The following SPTBN4 variants were observed in gnomAD, a reference collection of about 807,000 sequenced individuals.
SPTBN4 encodes the protein spectrin beta, non-erythrocytic 4.
In SPTBN4, 96 loss-of-function variants were observed where a neutral mutation model predicts 277.8. That is an observed-to-expected ratio of 0.35 (90% confidence interval 0.29 to 0.41). The LOEUF (loss-of-function observed/expected upper bound fraction) is 0.41, where lower values mean the gene tolerates loss of function less well. Ranked by LOEUF, SPTBN4 falls within the 10% of genes least tolerant of loss-of-function variation. The pLI is 1.00. For synonymous variants in SPTBN4, 1,481 were observed against 1,580.3 expected (o/e 0.94, Z 1.49); for missense variants, 3,006 against 3,595.7 (o/e 0.84, Z 4.19).
intron 16 of SPTBN4, among the ~76,000 whole-genome samples, chr19:40,520,811 G>A (rs536962406): frequency 5.0e-4 from 76 of 152,296 alleles, no homozygotes; most frequent in African/African-American, 1.7e-3. Context: ...AGATGGAACA[G>A]CCAGTTTTCA....
rs371057957 is a variant in SPTBN4 at position 40,540,404 on chromosome 19, T to G, written c.4359+6061T>G. ...CCCCTCTCCATGCTGCTTTTTAATT[T>G]TAATTTATTTTTATTTTTTGATAGA... is the stretch of plus-strand genomic sequence containing the variant. On this transcript the variant is annotated intron_variant, in intron 20 of 35. Transcript: ENST00000598249. Among the ~76,000 whole-genome samples, 280 of 152,058 alleles carry G rather than the reference T, an allele frequency of 1.8e-3. 3 individuals carry two copies. Among genetic ancestry groups the G allele is most frequent in the African/African-American group, 6.6e-3 (273 of 41,506 alleles).
At position 40,549,388 on chromosome 19, in the gene SPTBN4, T is replaced by C. The variant is rs553578143; in HGVS notation, c.4559T>C (p.Val1520Ala). The change falls in exon 21 of 36, where the codon GTG becomes GCG. Residue 1520 changes from valine to alanine, a missense_variant. Coordinates refer to ENST00000598249, the MANE Select transcript of SPTBN4 (RefSeq NM_020971.3). ...CTGGCTTCCAAGGAGTTGCACCAGG[T>C]GGCGCACGACCTGGACGACGAGCTG... ...LLLASKELHQ[V>A]AHDLDDELAW... The C allele has an allele frequency of 2.4e-6, 3 of 1,246,066 alleles. No homozygotes were observed. The South Asian group carries it at 3.8e-5, about 16-fold the overall frequency. The allele number at this position is 1,246,066 out of a possible 1,614,324, so 77.2% of individuals were successfully genotyped here.
At chr19:40,482,207 G>A (rs886238873) in intron 2 of SPTBN4, among the ~76,000 whole-genome samples, 2 of 152,234 alleles carry the variant, frequency 1.3e-5, no homozygotes, top group East Asian at 1.9e-4. Flanking sequence ...AAAGTGCTCT[G>A]ATTACAGGCG....
intron 6 of SPTBN4, 102 bp from the exon 7 acceptor site, chr19:40,497,387 C>A: frequency 1.2e-6 from 1 of 817,758 alleles, no homozygotes; most frequent in South Asian, 1.5e-5. Context: ...TGCCCTTCTG[C>A]CCATTGCCCT....
intron 20 of SPTBN4, among the ~76,000 whole-genome samples, chr19:40,542,036 C>T (rs2080807680): frequency 6.6e-6 from 1 of 152,230 alleles, no homozygotes; most frequent in Non-Finnish European, 1.5e-5. Flanking sequence ...ATTCTCCTGC[C>T]TCAGCCTCCC....
intron 2 of SPTBN4, among the ~76,000 whole-genome samples, chr19:40,479,404 C>A (rs1313352699): frequency 6.6e-6 from 1 of 152,114 alleles, no homozygotes; most frequent in African/African-American, 2.4e-5. Context: ...ACGCCTCTCT[C>A]CAATTCTCTT....
rs908486362 is a variant in SPTBN4 at position 40,513,028 on chromosome 19, C to A, written c.2239C>A (p.Arg747Ser). 1.4e-6 allele frequency: 2 copies of A among 1,422,634 alleles called. No homozygotes were observed. Among genetic ancestry groups the A allele is most frequent in the African/African-American group, 3.0e-5 (2 of 66,006 alleles). The allele number at this position is 1,422,634 out of a possible 1,614,324, so 88.1% of individuals were successfully genotyped here. ...DTVHLVGLAE[R>S]AASARRRWQR... ...CGTGCACCTGGTAGGCCTGGCGGAGCGCGCGGCGAGCGCCCGGCGCCGCTG... is the reference window on the plus strand; with the variant it reads ...CGTGCACCTGGTAGGCCTGGCGGAGAGCGCGGCGAGCGCCCGGCGCCGCTG... The change falls in exon 14 of 36, where the codon CGC becomes AGC. Residue 747 changes from arginine (R) to serine (S), a missense_variant. Arg to Ser is a moderately radical substitution (Grantham distance 110). Transcript: ENST00000598249.
At chr19:40,481,710 A>C (rs1464543570) in intron 2 of SPTBN4, among the ~76,000 whole-genome samples, 1 of 152,076 alleles carries the variant, frequency 6.6e-6, no homozygotes, top group African/African-American at 2.4e-5. Context: ...TCCTGACCTC[A>C]GGTGATCTGC....
rs764608161 is a variant in SPTBN4 at position 40,554,182 on chromosome 19, C to G, written c.4710C>G (p.Arg1570=). ...GGGAGATCCAGGCGCATGGGCCGCG[C>G]CTGGAGGAGGTGCTGGAGCGCGCGG... The part of the protein sequence containing the change: ...LRREIQAHGP[R]LEEVLERAGA... Residue 1570 remains arginine, a synonymous_variant, in exon 23 of 36, where the codon CGC becomes CGG. Transcript: ENST00000598249. The surrounding 1 kb of genome is among the most constrained non-coding windows in gnomAD (Gnocchi z 5.7). 2.1e-6 allele frequency: 3 copies of G among 1,458,716 alleles called. No homozygotes were observed. The South Asian group carries it at 4.2e-5, about 20-fold the overall frequency. The allele number at this position is 1,458,716 out of a possible 1,614,324, so 90.4% of individuals were successfully genotyped here.
rs574031306 is a variant in SPTBN4, at chr19:40,485,914, G to C, written c.170-1783G>C. On this transcript the variant is annotated intron_variant, in intron 2 of 35. Coordinates refer to ENST00000598249, the MANE Select transcript of SPTBN4 (RefSeq NM_020971.3). The stretch of plus-strand genomic sequence containing the variant: ...CATGAAAAGATGCTCAACATCATTA[G>C]CCATTAGGGAAGTGCAAAAGAAAAC... 4.0e-5 allele frequency among the ~76,000 whole-genome samples: 6 copies of C among 151,634 alleles called. No homozygotes were observed. In the East Asian group the frequency reaches 7.7e-4, roughly 20 times the overall value.
At position 40,523,460 on chromosome 19, in the gene SPTBN4, G is replaced by A. The variant is rs2080552392; in HGVS notation, c.3678G>A (p.Glu1226=). The part of the protein sequence containing the change: ...RNQEMALSGA[E]LPGTVESVEE... ...AGGAGATGGCGCTGTCTGGTGCGGAGCTCCCGGGCACAGTGGAATCGGTGG... is the reference window on the plus strand; with the variant it reads ...AGGAGATGGCGCTGTCTGGTGCGGAACTCCCGGGCACAGTGGAATCGGTGG... The change falls in exon 17 of 36, where the codon GAG becomes GAA. Residue 1226 remains glutamate, a synonymous_variant. Transcript: ENST00000598249. 1.2e-6 allele frequency: 2 copies of A among 1,610,052 alleles called. No homozygotes were observed. Among genetic ancestry groups the A allele is most frequent in the Non-Finnish European group, 1.7e-6 (2 of 1,178,170 alleles).
intron 16 of SPTBN4, among the ~76,000 whole-genome samples, chr19:40,520,994 A>T (rs2080520503): frequency 6.6e-6 from 1 of 151,416 alleles, no homozygotes; most frequent in Non-Finnish European, 1.5e-5. Flanking sequence ...GCGTGATCTC[A>T]GCTCACTGAA....
intron 17 of SPTBN4, among the ~76,000 whole-genome samples, chr19:40,526,160 T>C (rs2080588691): frequency 7.0e-6 from 1 of 143,770 alleles, no homozygotes; most frequent in South Asian, 2.2e-4. Flanking sequence ...GTGTGTGAGG[T>C]GCTGTTCTTT....
rs191419122 is a variant in SPTBN4 at position 40,539,669 on chromosome 19, G to A, written c.4359+5326G>A. Among the ~76,000 whole-genome samples, 447 of 151,510 alleles carry A rather than the reference G, an allele frequency of 3.0e-3. 4 individuals carry two copies. The highest frequency in any genetic ancestry group is 0.011 in the African/African-American group (434 of 41,274). Reference sequence around the variant, plus strand: ...TAATTTTTGTATTTTTAGTAGAGACGGGGTTTCACCATGTTGGCCAGGCTG... The same window carrying A: ...TAATTTTTGTATTTTTAGTAGAGACAGGGTTTCACCATGTTGGCCAGGCTG... On this transcript the variant is annotated intron_variant, in intron 20 of 35. Coordinates refer to ENST00000598249, the MANE Select transcript of SPTBN4 (RefSeq NM_020971.3).
chr19:40,533,789 C>G (rs2080704506), intron 19 of SPTBN4, among the ~76,000 whole-genome samples: 1 of 152,072 alleles, frequency 6.6e-6, no homozygotes, highest in Non-Finnish European at 1.5e-5. Flanking sequence ...TCCCTGACTC[C>G]TTCCCATGTC....
At chr19:40,508,706 A>G (rs1340487432) in intron 13 of SPTBN4, among the ~76,000 whole-genome samples, 3 of 152,134 alleles carry the variant, frequency 2.0e-5, no homozygotes, top group African/African-American at 7.2e-5. Flanking sequence ...ATATATATAT[A>G]TATGACTGGT....
At position 40,513,473 on chromosome 19, in the gene SPTBN4, T is replaced by A; in HGVS notation, c.2684T>A (p.Leu895Gln). The A allele has an allele frequency of 6.2e-7, 1 of 1,602,404 alleles. No individual in the cohort carries two copies. ...RMFGEVHACE[L>Q]WIGEKEQWLL... ...TTTGGCGAGGTGCACGCGTGTGAGC[T>A]GTGGATCGGCGAGAAGGAGCAATGG... The change falls in exon 14 of 36, where the codon CTG (leucine) becomes CAG (glutamine). Residue 895 changes from leucine (L) to glutamine (Q), a missense_variant. Coordinates refer to ENST00000598249, the MANE Select transcript of SPTBN4 (RefSeq NM_020971.3).
chr19:40,528,292 G>C (rs532449096), intron 17 of SPTBN4, among the ~76,000 whole-genome samples: 18 of 152,294 alleles, frequency 1.2e-4, no homozygotes, highest in African/African-American at 4.3e-4. Context: ...ACTGCCCGGG[G>C]CCCATGGTCC....
intron 22 of SPTBN4, among the ~76,000 whole-genome samples, chr19:40,550,596 G>T (rs1387039717): frequency 1.3e-5 from 2 of 150,542 alleles, no homozygotes; most frequent in African/African-American, 2.4e-5. Flanking sequence ...TCCACTTCCT[G>T]AGTTCAAGCG....
Sources: gnomAD v4.1 joint callset for allele counts (sites outside exome capture counted in the v4.1 genomes callset) on GRCh38, gnomAD v4.1.1 for gene constraint, Gnocchi (gnomAD v3.1) non-coding constraint, MANE v1.5 for transcripts, NCBI Gene and HGNC (gene_info 2026-07-23, HGNC 2026-07-21) for gene names.